The following TMEM135 variants were observed in gnomAD, a reference collection of about 807,000 sequenced individuals.
TMEM135 encodes the protein transmembrane protein 135.
TMEM135 carries 30 observed loss-of-function variants against 60.3 expected under a neutral mutation model. The ratio of observed to expected loss-of-function variants is 0.50; its 90% confidence interval spans 0.37 to 0.68. TMEM135 has a LOEUF of 0.68. TMEM135 is among the 30% of genes least tolerant of loss of function. The probability of loss-of-function intolerance (pLI) is 0.00; values close to 1 mark genes in which losing one functional copy is unlikely to be tolerated. For synonymous variants in TMEM135, 190 were observed against 186.7 expected (o/e 1.02, Z -0.14); for missense variants, 468 against 548.8 (o/e 0.85, Z 1.47).
At chr11:87,267,236 G>T (rs1045003175) in intron 6 of TMEM135, among the ~76,000 whole-genome samples, 1 of 152,082 alleles carries the variant, frequency 6.6e-6, no homozygotes, top group Admixed American at 6.6e-5. Flanking sequence ...TAGAATTTTA[G>T]TTCCTTCATG....
chr11:87,096,297 T>C, intron 4 of TMEM135: 1 of 266,440 alleles, frequency 3.8e-6, no homozygotes, highest in South Asian at 5.2e-5. Flanking sequence ...TAGAACTTGT[T>C]CACCTTTTCT....
Position 87,071,553 on chromosome 11 carries a change from T to G in TMEM135, c.300T>G (p.Thr100=). The change falls in exon 3 of 15, where the codon ACT becomes ACG. Residue 100 remains threonine, a synonymous_variant. Coordinates refer to ENST00000305494, the MANE Select transcript of TMEM135 (RefSeq NM_022918.4). ...TACTTGGAAAATTCTACTCATGGAC[T>G]CCTGGCTTTGGTGCCGCTCTGCCAG... ...RKILGKFYSW[T]PGFGAALPAS... The G allele has an allele frequency of 6.2e-7, 1 of 1,614,072 alleles. No individual in the cohort carries two copies. Among genetic ancestry groups the G allele is most frequent in the Non-Finnish European group, 8.5e-7 (1 of 1,179,998 alleles).
intron 6 of TMEM135, among the ~76,000 whole-genome samples, chr11:87,286,850 A>G (rs113987127): frequency 2.0e-5 from 3 of 152,338 alleles, no homozygotes; most frequent in African/African-American, 7.2e-5. Flanking sequence ...TGTAACTGTT[A>G]TATGTCATTC....
intron 4 of TMEM135, among the ~76,000 whole-genome samples, chr11:87,143,974 A>G (rs1158704668): frequency 1.3e-5 from 2 of 152,134 alleles, no homozygotes; most frequent in East Asian, 1.9e-4. Context: ...TGTTCTTCCA[A>G]TATTGTTTTA....
intron 5 of TMEM135, among the ~76,000 whole-genome samples, chr11:87,228,216 A>AG (rs1940808527): frequency 6.6e-6 from 1 of 152,106 alleles, no homozygotes; most frequent in Non-Finnish European, 1.5e-5. Context: ...TTAGGTAGTT[A>AG]TTTTCCCCTA....
chr11:87,156,792 A>G (rs1343627909), intron 4 of TMEM135, among the ~76,000 whole-genome samples: 2 of 152,234 alleles, frequency 1.3e-5, no homozygotes, highest in Non-Finnish European at 2.9e-5. Flanking sequence ...AACTAAATTC[A>G]GAATAAATGA....
intron 4 of TMEM135, among the ~76,000 whole-genome samples, chr11:87,097,933 C>T (rs1857368628): frequency 6.6e-6 from 1 of 152,104 alleles, no homozygotes; most frequent in Non-Finnish European, 1.5e-5. Context: ...TGGAGTTGAT[C>T]AACATCTAAC....
chr11:87,230,534 TTA>T (rs1236072454), intron 5 of TMEM135, among the ~76,000 whole-genome samples: 1 of 152,102 alleles, frequency 6.6e-6, no homozygotes, highest in Non-Finnish European at 1.5e-5. Context: ...ATAGGTAGTA[TTA>T]TATTGTTTCT....
intron 1 of TMEM135, among the ~76,000 whole-genome samples, chr11:87,053,391 A>G (rs537019307): frequency 2.0e-5 from 3 of 152,186 alleles, no homozygotes; most frequent in Admixed American, 6.5e-5. Flanking sequence ...ATCTATCTGT[A>G]TAAGCTTTGG....
At chr11:87,055,561 G>A (rs1043496942) in intron 1 of TMEM135, among the ~76,000 whole-genome samples, 2 of 150,190 alleles carry the variant, frequency 1.3e-5, no homozygotes, top group Non-Finnish European at 3.0e-5. Flanking sequence ...GATTTTTTTC[G>A]ACAAAATTGT....
intron 6 of TMEM135, among the ~76,000 whole-genome samples, chr11:87,285,742 T>C (rs1942152872): frequency 6.6e-6 from 1 of 152,240 alleles, no homozygotes; most frequent in Non-Finnish European, 1.5e-5. Context: ...CCCGAGCAGG[T>C]TGGCACTGCT....
chr11:87,308,816 C>G (rs2135446866), intron 9 of TMEM135, among the ~76,000 whole-genome samples: 1 of 152,268 alleles, frequency 6.6e-6, no homozygotes, highest in South Asian at 2.1e-4. Flanking sequence ...CTCTTTTGCA[C>G]TATGGACAGT....
chr11:87,085,771 C>T (rs577738457), intron 3 of TMEM135, among the ~76,000 whole-genome samples: 2 of 151,934 alleles, frequency 1.3e-5, no homozygotes, highest in East Asian at 3.9e-4. Flanking sequence ...AAACAAACAA[C>T]AACAAAAAAG....
intron 4 of TMEM135, among the ~76,000 whole-genome samples, chr11:87,107,823 T>C (rs909290920): frequency 6.6e-6 from 1 of 152,200 alleles, no homozygotes. Context: ...TCTAGATCCT[T>C]GAGGAATCAC....
At chr11:87,183,693 C>T (rs975110749) in intron 5 of TMEM135, among the ~76,000 whole-genome samples, 8 of 151,898 alleles carry the variant, frequency 5.3e-5, no homozygotes, top group Non-Finnish European at 8.8e-5. Context: ...CGGTGGCTCA[C>T]GCCTGTAATC....
chr11:87,151,951 T>C (rs1050415281), intron 4 of TMEM135, among the ~76,000 whole-genome samples: 2 of 152,138 alleles, frequency 1.3e-5, no homozygotes, highest in African/African-American at 4.8e-5. Flanking sequence ...AATCTTCTCT[T>C]AGTATGAGAG....
chr11:87,105,344 G>A (rs1377040973), intron 4 of TMEM135, among the ~76,000 whole-genome samples: 1 of 152,152 alleles, frequency 6.6e-6, no homozygotes, highest in Non-Finnish European at 1.5e-5. Flanking sequence ...ATAGGATCCC[G>A]AACCCAATTG....
chr11:87,061,600 CA>C (rs1366116860), intron 1 of TMEM135, among the ~76,000 whole-genome samples: 1 of 152,190 alleles, frequency 6.6e-6, no homozygotes, highest in African/African-American at 2.4e-5. Flanking sequence ...GTTTAATGAT[CA>C]AACTCGGAGG....
chr11:87,092,419 C>G (rs943169450), intron 4 of TMEM135, among the ~76,000 whole-genome samples: 5 of 152,136 alleles, frequency 3.3e-5, no homozygotes, highest in South Asian at 2.1e-4. Context: ...TGTGGACATT[C>G]TGTATAGAAA....
Sources: gnomAD v4.1 joint callset for allele counts (sites outside exome capture counted in the v4.1 genomes callset) on GRCh38, gnomAD v4.1.1 for gene constraint, MANE v1.5 for transcripts, NCBI Gene and HGNC (gene_info 2026-07-23, HGNC 2026-07-21) for gene names.